Variants in MAGI1 observed in about 807,000 individuals in gnomAD.
MAGI1 encodes the protein membrane associated guanylate kinase, WW and PDZ domain containing 1.
In MAGI1, 58 loss-of-function variants were observed where a neutral mutation model predicts 139.9. The observed-to-expected ratio is 0.41, with a 90% CI of 0.34 to 0.52. The LOEUF (loss-of-function observed/expected upper bound fraction) is 0.52, where lower values mean the gene tolerates loss of function less well. MAGI1 is among the 20% of genes least tolerant of loss of function. The pLI is 0.12. For missense variants in MAGI1, 1,874 were observed against 1,901.6 expected, an observed-to-expected ratio of 0.99 and a Z score of 0.27; for synonymous variants, 812 against 737.9, an observed-to-expected ratio of 1.10 and a Z score of -1.63.
At chr3:65,404,417 T>C (rs1034430206) in intron 12 of MAGI1, among the ~76,000 whole-genome samples, 13 of 152,104 alleles carry the variant, frequency 8.5e-5, no homozygotes, top group African/African-American at 2.7e-4. Flanking sequence ...AAGAAAACCT[T>C]TGTTTAAAGA....
intron 1 of MAGI1, among the ~76,000 whole-genome samples, chr3:65,812,749 T>G (rs1324828988): frequency 7.2e-6 from 1 of 138,640 alleles, no homozygotes; most frequent in African/African-American, 2.8e-5. Flanking sequence ...TTGCTCTTGT[T>G]GCCCAGGCTG....
chr3:65,786,878 G>C (rs1056572688), intron 1 of MAGI1, among the ~76,000 whole-genome samples: 1 of 152,108 alleles, frequency 6.6e-6, no homozygotes, highest in Non-Finnish European at 1.5e-5. Flanking sequence ...GCCTCCCAAA[G>C]TACTGGGATT....
At chr3:65,998,960 T>C (rs1296398770) in intron 1 of MAGI1, among the ~76,000 whole-genome samples, 1 of 152,026 alleles carries the variant, frequency 6.6e-6, no homozygotes, top group Non-Finnish European at 1.5e-5. Context: ...TAACAGAGAA[T>C]AGAATCACAT....
At chr3:65,808,658 C>G (rs7632446) in intron 1 of MAGI1, among the ~76,000 whole-genome samples, 3,543 of 152,204 alleles carry the variant, frequency 0.023, 118 homozygotes, top group African/African-American at 0.072. Flanking sequence ...GTTACATACC[C>G]GTGGGACCCA....
intron 1 of MAGI1, among the ~76,000 whole-genome samples, chr3:65,859,713 T>A (rs1484618325): frequency 6.8e-6 from 1 of 146,922 alleles, no homozygotes; most frequent in Admixed American, 6.8e-5. Flanking sequence ...AGAGCAAGAC[T>A]CCATCTCAAA....
At chr3:65,387,226 G>A in intron 14 of MAGI1, 1 of 1,612,104 alleles carries the variant, frequency 6.2e-7, no homozygotes, top group South Asian at 1.1e-5. Flanking sequence ...AGGTGACATA[G>A]CTGGAATATT....
intron 1 of MAGI1, among the ~76,000 whole-genome samples, chr3:66,027,335 T>C (rs2068339089): frequency 6.6e-6 from 1 of 151,840 alleles, no homozygotes; most frequent in Non-Finnish European, 1.5e-5. Context: ...AGAGGGTCTT[T>C]CTCTGTCACC....
chr3:65,839,709 G>A (rs1015023860), intron 1 of MAGI1, among the ~76,000 whole-genome samples: 14 of 152,086 alleles, frequency 9.2e-5, no homozygotes, highest in Non-Finnish European at 1.6e-4. Context: ...TCTTAGACAC[G>A]ACATTGAAAG....
At chr3:65,913,199 G>T (rs898756242) in intron 1 of MAGI1, among the ~76,000 whole-genome samples, 1 of 152,134 alleles carries the variant, frequency 6.6e-6, no homozygotes, top group African/African-American at 2.4e-5. Flanking sequence ...AGGAGGCAGA[G>T]GTTGCAGTGG....
chr3:65,692,794 G>C (rs563404012), intron 1 of MAGI1, among the ~76,000 whole-genome samples: 2 of 152,258 alleles, frequency 1.3e-5, no homozygotes, highest in African/African-American at 2.4e-5. Flanking sequence ...TGTCTCTTGT[G>C]AGCCCCCTTG....
intron 1 of MAGI1, among the ~76,000 whole-genome samples, chr3:65,760,704 C>G (rs886969037): frequency 6.6e-6 from 1 of 152,074 alleles, no homozygotes; most frequent in Admixed American, 6.6e-5. Context: ...ACTGGCCCAG[C>G]CTAGAGTTAT....
intron 5 of MAGI1, among the ~76,000 whole-genome samples, chr3:65,455,400 A>T (rs1949324167): frequency 6.6e-6 from 1 of 152,058 alleles, no homozygotes; most frequent in African/African-American, 2.4e-5. Flanking sequence ...CTATTTCTAT[A>T]ATTTTGTCAT....
chr3:65,918,379 ATTT>A (rs34906725), intron 1 of MAGI1, among the ~76,000 whole-genome samples: 1 of 128,690 alleles, frequency 7.8e-6, no homozygotes, highest in African/African-American at 3.0e-5. Context: ...GCTCCAAAAC[ATTT>A]TTTTTTTTTT....
chr3:65,693,248 T>C (rs771749279), intron 1 of MAGI1, among the ~76,000 whole-genome samples: 1 of 152,174 alleles, frequency 6.6e-6, no homozygotes, highest in Non-Finnish European at 1.5e-5. Context: ...CCTGGCCACA[T>C]AATAAATGTC....
intron 1 of MAGI1, among the ~76,000 whole-genome samples, chr3:65,736,985 G>A (rs997909425): frequency 5.3e-5 from 8 of 151,506 alleles, no homozygotes; most frequent in African/African-American, 1.7e-4. Context: ...TGTTAATACT[G>A]TCACACTTGC....
At chr3:66,010,632 T>C (rs934630861) in intron 1 of MAGI1, among the ~76,000 whole-genome samples, 3 of 152,202 alleles carry the variant, frequency 2.0e-5, no homozygotes, top group Admixed American at 6.5e-5. Context: ...GGGGCTCTGA[T>C]GTCATTAGTA....
intron 2 of MAGI1, among the ~76,000 whole-genome samples, chr3:65,535,255 GA>G (rs2078908230): frequency 6.6e-6 from 1 of 152,152 alleles, no homozygotes; most frequent in Admixed American, 6.5e-5. Flanking sequence ...CCTGGTGCAG[GA>G]ATAGCTCTTC....
intron 2 of MAGI1, among the ~76,000 whole-genome samples, chr3:65,539,404 C>T (rs1376469302): frequency 6.6e-6 from 1 of 152,222 alleles, no homozygotes; most frequent in Non-Finnish European, 1.5e-5. Context: ...AAAAGACACA[C>T]CAACTACTGT....
At chr3:65,364,576 G>T in intron 20 of MAGI1, 89 bp downstream of exon 20, 1 of 1,089,028 alleles carries the variant, frequency 9.2e-7, no homozygotes, top group Non-Finnish European at 1.4e-6. Flanking sequence ...TTAAATTAAA[G>T]GTGCTTCAAA....
Sources: allele counts gnomAD v4.1 joint callset (sites outside exome capture counted in the v4.1 genomes callset), GRCh38; gene constraint gnomAD v4.1.1; transcripts MANE v1.5; gene names NCBI Gene and HGNC (gene_info 2026-07-23, HGNC 2026-07-21).